FGD6: variants seen among roughly 807,000 people sequenced by gnomAD.
The protein encoded by FGD6 is FYVE, RhoGEF and PH domain containing 6.
A neutral mutation model predicts 149.4 loss-of-function variants in FGD6; 90 were observed. The observed-to-expected ratio is 0.60, with a 90% CI of 0.51 to 0.72. The LOEUF (loss-of-function observed/expected upper bound fraction) is 0.72. Ranked by LOEUF, FGD6 falls within the 30% of genes least tolerant of loss-of-function variation. FGD6 has a pLI of 0.00. For missense variants in FGD6, 1,437 were observed against 1,684.8 expected (o/e 0.85, Z 2.57); for synonymous variants, 527 against 584.0 (o/e 0.90, Z 1.41).
chr12:95,215,421 C>G (rs1378132648), intron 1 of FGD6, among the ~76,000 whole-genome samples: 1 of 152,148 alleles, frequency 6.6e-6, no homozygotes, highest in Non-Finnish European at 1.5e-5. Context: ...CCAAAAAGCA[C>G]CATAATCAGC....
At chr12:95,168,518 C>T (rs1880892732) in intron 3 of FGD6, among the ~76,000 whole-genome samples, 1 of 152,094 alleles carries the variant, frequency 6.6e-6, no homozygotes, top group Non-Finnish European at 1.5e-5. Context: ...ACAAAATCAG[C>T]TGGGTGTAGT....
chr12:95,162,340 T>C (rs11107916), intron 3 of FGD6, among the ~76,000 whole-genome samples: 43,783 of 151,902 alleles, frequency 0.29, 6,716 homozygotes, highest in East Asian at 0.39. Context: ...CTGGCCAACA[T>C]GGTGTAACCC....
At position 95,081,167 on chromosome 12, in the gene FGD6, T is replaced by C. The variant is rs1312993013; in HGVS notation, c.*353A>G. 6.3e-6 allele frequency: 1 copy of C among 158,692 alleles called. No individual in the cohort carries two copies. Among genetic ancestry groups the C allele is most frequent in the African/African-American group, 2.4e-5 (1 of 41,788 alleles). 9.8% of individuals were successfully genotyped at this position (158,692 alleles called of 1,614,324 possible). ...TTACAAAGACTTTCCACCAGTAAGATTGTTACAATGTAAGGTAAGAAAACA... is the reference window on the plus strand; with the variant it reads ...TTACAAAGACTTTCCACCAGTAAGACTGTTACAATGTAAGGTAAGAAAACA... On this transcript the variant is annotated 3_prime_UTR_variant, in exon 21 of 21. Transcript: ENST00000343958.
chr12:95,190,624 A>G (rs1881562169), intron 2 of FGD6, among the ~76,000 whole-genome samples: 1 of 152,228 alleles, frequency 6.6e-6, no homozygotes, highest in Non-Finnish European at 1.5e-5. Flanking sequence ...ACATGGAGAC[A>G]AGACAGCAGA....
intron 2 of FGD6, among the ~76,000 whole-genome samples, chr12:95,175,425 T>C (rs1294202838): frequency 2.0e-5 from 3 of 151,826 alleles, no homozygotes; most frequent in Non-Finnish European, 4.4e-5. Flanking sequence ...ACATCAGGAA[T>C]TGAGAGAAAG....
chr12:95,098,880 T>C (rs1878327108), intron 14 of FGD6, among the ~76,000 whole-genome samples: 1 of 150,076 alleles, frequency 6.7e-6, no homozygotes, highest in African/African-American at 2.4e-5. Context: ...TTTTTTTTTT[T>C]TTTTTTTGAG....
At chr12:95,217,200 C>A (rs2031242333) in intron 1 of FGD6, 25 bp downstream of exon 1, 2 of 1,612,042 alleles carry the variant, frequency 1.2e-6, no homozygotes. Flanking sequence ...AACTTTCCCG[C>A]GGCAGCGCGA....
intron 8 of FGD6, among the ~76,000 whole-genome samples, chr12:95,128,700 C>T (rs888634975): frequency 1.3e-5 from 2 of 152,222 alleles, no homozygotes; most frequent in African/African-American, 4.8e-5. Context: ...TTGGGCATGA[C>T]CTCAAAGAGG....
At chr12:95,123,842 G>A (rs150075564) in intron 8 of FGD6, among the ~76,000 whole-genome samples, 5,058 of 152,030 alleles carry the variant, frequency 0.033, 117 homozygotes, top group Middle Eastern at 0.075. Flanking sequence ...GATTACAGGC[G>A]TGAGCCACCA....
intron 7 of FGD6, 135 bp downstream of exon 7, chr12:95,137,387 A>C: frequency 1.4e-6 from 1 of 698,384 alleles, no homozygotes; most frequent in Admixed American, 3.4e-5. Context: ...GTTCAATTCC[A>C]TCTTTGATTT....
chr12:95,142,291 A>C (rs1396333162), intron 5 of FGD6, among the ~76,000 whole-genome samples: 1 of 151,582 alleles, frequency 6.6e-6, no homozygotes, highest in East Asian at 1.9e-4. Flanking sequence ...ACAGGTGCCC[A>C]CCACCACACC....
intron 2 of FGD6, among the ~76,000 whole-genome samples, chr12:95,181,599 C>A (rs1314091687): frequency 6.6e-6 from 1 of 152,178 alleles, no homozygotes; most frequent in Non-Finnish European, 1.5e-5. Context: ...GAAATGTGGA[C>A]AACTTTCTTG....
chr12:95,108,480 G>C, intron 10 of FGD6, 23 bp downstream of exon 10: 1 of 1,614,030 alleles, frequency 6.2e-7, no homozygotes, highest in Non-Finnish European at 8.5e-7. Flanking sequence ...GACCACACCA[G>C]CCACTGACAA....
At chr12:95,175,703 G>C (rs1881113596) in intron 2 of FGD6, among the ~76,000 whole-genome samples, 1 of 151,632 alleles carries the variant, frequency 6.6e-6, no homozygotes. Context: ...AGGAGGCTGA[G>C]GTAGGAGAAT....
At chr12:95,216,468 T>TG (rs1700386841) in intron 1 of FGD6, among the ~76,000 whole-genome samples, 1 of 152,206 alleles carries the variant, frequency 6.6e-6, no homozygotes, top group African/African-American at 2.4e-5. Flanking sequence ...ACCACTTTGG[T>TG]AATTATTTTG....
At chr12:95,109,601 G>A (rs759615930) in intron 9 of FGD6, among the ~76,000 whole-genome samples, 3 of 152,062 alleles carry the variant, frequency 2.0e-5, no homozygotes, top group Admixed American at 6.6e-5. Context: ...GGTGGCTCAC[G>A]CCTGTAATCC....
At chr12:95,100,182 G>A (rs1334791886) in intron 14 of FGD6, among the ~76,000 whole-genome samples, 1 of 151,440 alleles carries the variant, frequency 6.6e-6, no homozygotes, top group East Asian at 1.9e-4. Flanking sequence ...AAATAAACCT[G>A]ATTATTATGT....
intron 8 of FGD6, among the ~76,000 whole-genome samples, chr12:95,116,507 A>T (rs1294002906): frequency 6.6e-6 from 1 of 152,190 alleles, no homozygotes; most frequent in Non-Finnish European, 1.5e-5. Flanking sequence ...TGTCCATATT[A>T]GGAAATCCTG....
In FGD6 at chr12:95,166,294, T is replaced by C. The variant is rs138701444; in HGVS notation, c.2586+6306A>G. ...AGCTAATGAATAGGACTACATGATA[T>C]ACATTACTCTGTACAAATCTTCCAT... On this transcript the variant is annotated intron_variant, in intron 3 of 20. Transcript: ENST00000343958. 2.8e-3 allele frequency among the ~76,000 whole-genome samples: 419 copies of C among 152,352 alleles called. 4 individuals are homozygous for C. The South Asian group carries it at 0.031, about 11-fold the overall frequency.
Sources: gnomAD v4.1 joint callset for allele counts (sites outside exome capture counted in the v4.1 genomes callset) on GRCh38, gnomAD v4.1.1 for gene constraint, MANE v1.5 for transcripts, NCBI Gene and HGNC (gene_info 2026-07-23, HGNC 2026-07-21) for gene names.